Variants in LY75 observed in about 807,000 individuals in gnomAD.
LY75 encodes the protein lymphocyte antigen 75.
In LY75, 185 loss-of-function variants were observed where a neutral mutation model predicts 231.7. That is an observed-to-expected ratio of 0.80 (90% CI 0.71 to 0.90). LY75 has a LOEUF of 0.90. Ranked by LOEUF, LY75 falls within the 40% of genes least tolerant of loss-of-function variation. The pLI is 0.00. For synonymous variants in LY75, 668 were observed against 689.0 expected (o/e 0.97, Z 0.48); for missense variants, 1,947 against 2,050.2 (o/e 0.95, Z 0.97).
chr2:159,872,408 GA>G, intron 13 of LY75, 42 bp downstream of exon 13: 1 of 1,603,734 alleles, frequency 6.2e-7, no homozygotes, highest in South Asian at 1.1e-5. Context: ...ATATCTAGAG[GA>G]CATCAAATTC....
intron 25 of LY75, among the ~76,000 whole-genome samples, chr2:159,840,243 T>C (rs1389555898): frequency 5.9e-5 from 9 of 152,060 alleles, no homozygotes; most frequent in Admixed American, 5.9e-4. Flanking sequence ...AAGTACTAGA[T>C]CTTTCAATAG....
intron 29 of LY75, among the ~76,000 whole-genome samples, chr2:159,817,527 G>A (rs1399630510): frequency 6.6e-6 from 1 of 152,176 alleles, no homozygotes; most frequent in Non-Finnish European, 1.5e-5. Flanking sequence ...AAGTGAAAGA[G>A]CTCCCAAGGG....
chr2:159,853,495 A>G, intron 19 of LY75, 135 bp downstream of exon 19: 1 of 1,475,564 alleles, frequency 6.8e-7, no homozygotes, highest in Non-Finnish European at 9.2e-7. Context: ...AACATGCAAA[A>G]GGGCTTGGTT....
intron 32 of LY75, among the ~76,000 whole-genome samples, 176 bp downstream of exon 32, chr2:159,810,350 T>C (rs111671264): frequency 7.9e-5 from 12 of 152,140 alleles, no homozygotes; most frequent in African/African-American, 2.7e-4. Flanking sequence ...TGAGTTCCTA[T>C]GTCATCAGAT....
At chr2:159,815,311 A>T in intron 31 of LY75, 94 bp downstream of exon 31, 1 of 1,449,378 alleles carries the variant, frequency 6.9e-7, no homozygotes, top group Non-Finnish European at 9.1e-7. Context: ...CTTGTGAATA[A>T]ATCTTTAAAT....
Position 159,898,696 on chromosome 2 carries a change from G to A in LY75, c.458C>T (p.Pro153Leu). 6.2e-7 allele frequency: 1 copy of A among 1,611,794 alleles called. No individual in the cohort carries two copies. Among genetic ancestry groups the A allele is most frequent in the East Asian group, 2.2e-5 (1 of 44,796 alleles). ...GGSEESLCDQ[P>L]YHEIYTRDGN... The stretch of plus-strand genomic sequence containing the variant: ...CCCTCTCTAATACTCACCATGATAA[G>A]GCTGGTCACAAAGGCTTTCCTCTGA... Residue 153 changes from proline to leucine, a missense_variant, in exon 2 of 35, where the codon CCT (proline) becomes CTT (leucine). Transcript: ENST00000263636.
intron 23 of LY75, among the ~76,000 whole-genome samples, chr2:159,848,741 A>G (rs113500075): frequency 3.9e-5 from 6 of 152,318 alleles, no homozygotes; most frequent in African/African-American, 1.4e-4. Context: ...GGGCTCAAAT[A>G]TGGTTGAGAC....
In LY75 at chr2:159,875,451, C is replaced by G; in HGVS notation, c.1967G>C (p.Cys656Ser). Residue 656 changes from cysteine (C) to serine (S), a missense_variant, in exon 12 of 35, where the codon TGT becomes TCT. Transcript: ENST00000263636. The part of the protein sequence containing the change: ...GWQSFPASLS[C>S]YKVFHAERIV... The stretch of plus-strand genomic sequence containing the variant: ...ATGAGAATGTCACTTTACCTTATAA[C>G]AAGAAAGACTTGCGGGGAAACTCTG... The G allele has an allele frequency of 6.2e-7, 1 of 1,612,842 alleles. No homozygotes were observed.
intron 28 of LY75, among the ~76,000 whole-genome samples, chr2:159,821,401 AGGT>A (rs147559917): frequency 0.028 from 4,208 of 152,128 alleles, 92 homozygotes; most frequent in East Asian, 0.096. Context: ...AGATCACCTG[AGGT>A]CAGGAGTTCG....
rs1211521282 is a variant in LY75 at position 159,804,845 on chromosome 2, C to G, written c.*199G>C. On this transcript the variant is annotated 3_prime_UTR_variant, in exon 35 of 35. Coordinates refer to ENST00000263636, the MANE Select transcript of LY75 (RefSeq NM_002349.4). ...TTCAGTTCCAGCTTTGGAGTCCCCT[C>G]CATTCTATTAATTAGGGTGATAAAC... 1 of 446,196 alleles carries G rather than the reference C, an allele frequency of 2.2e-6. No individual in the cohort carries two copies. The highest frequency in any genetic ancestry group is 4.1e-6 in the Non-Finnish European group (1 of 245,910). The allele number at this position is 446,196 out of a possible 1,614,324, so 27.6% of individuals were successfully genotyped here.
chr2:159,852,370 G>A, intron 20 of LY75, 30 bp from the exon 21 acceptor site: 1 of 1,588,398 alleles, frequency 6.3e-7, no homozygotes, highest in South Asian at 1.1e-5. Flanking sequence ...GATTACTATG[G>A]TGAGAATTTT....
chr2:159,860,493 T>C (rs1684671823), intron 15 of LY75, among the ~76,000 whole-genome samples: 1 of 152,174 alleles, frequency 6.6e-6, no homozygotes, highest in African/African-American at 2.4e-5. Flanking sequence ...ACTCTATCCA[T>C]CCTTAAAGTC....
intron 15 of LY75, among the ~76,000 whole-genome samples, chr2:159,860,447 C>T (rs1324575966): frequency 1.3e-5 from 2 of 152,156 alleles, no homozygotes; most frequent in Admixed American, 6.5e-5. Flanking sequence ...ATACCATCCC[C>T]TCATGAAAAA....
chr2:159,879,810 A>C (rs1685381302), intron 8 of LY75, among the ~76,000 whole-genome samples: 1 of 152,158 alleles, frequency 6.6e-6, no homozygotes, highest in African/African-American at 2.4e-5. Context: ...TTCTCCATGA[A>C]TTCTAGGTCA....
At chr2:159,831,820 ATTAC>A (rs1683669856) in intron 27 of LY75, 34 bp from the exon 28 acceptor site, 1 of 1,546,510 alleles carries the variant, frequency 6.5e-7, no homozygotes, top group Non-Finnish European at 8.8e-7. Context: ...AATTTTAACA[ATTAC>A]TTATCTAGTA....
chr2:159,853,050 T>C (rs1344843715), intron 20 of LY75, among the ~76,000 whole-genome samples: 3 of 152,214 alleles, frequency 2.0e-5, no homozygotes, highest in Admixed American at 1.3e-4. Context: ...AAGTGGTAAG[T>C]TTATTACTAA....
intron 30 of LY75, 64 bp downstream of exon 30, chr2:159,816,742 C>T: frequency 1.9e-6 from 3 of 1,592,278 alleles, no homozygotes; most frequent in Non-Finnish European, 2.6e-6. Context: ...ATACTTTACG[C>T]TCAAATTTCT....
intron 25 of LY75, among the ~76,000 whole-genome samples, chr2:159,836,669 G>A (rs1192816361): frequency 6.6e-6 from 1 of 152,198 alleles, no homozygotes; most frequent in Non-Finnish European, 1.5e-5. Context: ...CAGCAACACA[G>A]TCAAGCCTCA....
At chr2:159,900,667 C>A (rs1388067411) in intron 1 of LY75, among the ~76,000 whole-genome samples, 2 of 152,316 alleles carry the variant, frequency 1.3e-5, no homozygotes, top group Middle Eastern at 3.4e-3. Flanking sequence ...AGTCTCACTG[C>A]AGCTTGAACT....
Sources: allele counts gnomAD v4.1 joint callset (sites outside exome capture counted in the v4.1 genomes callset), GRCh38; gene constraint gnomAD v4.1.1; transcripts MANE v1.5; gene names NCBI Gene and HGNC (gene_info 2026-07-23, HGNC 2026-07-21).